The following NXNL2 variants were observed in gnomAD, a reference collection of about 807,000 sequenced individuals.
The protein encoded by NXNL2 is nucleoredoxin like 2.
A neutral mutation model predicts 11.1 loss-of-function variants in NXNL2; 7 were observed. That is an observed-to-expected ratio of 0.63 (90% confidence interval 0.36 to 1.18). NXNL2 has a LOEUF of 1.18. Ranked by LOEUF, NXNL2 falls within the 50% of genes most tolerant of loss-of-function variation. NXNL2 has a pLI of 0.02. For synonymous variants in NXNL2, 109 were observed against 101.8 expected (o/e 1.07, Z -0.42); for missense variants, 233 against 217.7 (o/e 1.07, Z -0.44).
chr9:88,557,065 A>T (rs1587849041), intron 1 of NXNL2, among the ~76,000 whole-genome samples: 1 of 131,046 alleles, frequency 7.6e-6, no homozygotes, highest in African/African-American at 2.9e-5. Flanking sequence ...TAGGTGACAG[A>T]GTGAGACTCC....
At chr9:88,582,157 T>C (rs1206751434) in intron 1 of NXNL2, among the ~76,000 whole-genome samples, 2 of 152,230 alleles carry the variant, frequency 1.3e-5, no homozygotes, top group African/African-American at 4.8e-5. Context: ...GAATTTTGTT[T>C]GGGAAGGGGA....
At chr9:88,584,011 A>G (rs1184104112) in exon 2 of NXNL2, 1 of 152,262 alleles carries the variant, frequency 6.6e-6, no homozygotes. Context: ...GCCGGAGCCA[A>G]CTAATACATG....
At chr9:88,553,011 A>G (rs1829962843) in intron 1 of NXNL2, among the ~76,000 whole-genome samples, 1 of 152,202 alleles carries the variant, frequency 6.6e-6, no homozygotes, top group African/African-American at 2.4e-5. Context: ...GAAATCCTGG[A>G]TGATATCCTT....
At chr9:88,542,774 C>G (rs890644265) in intron 1 of NXNL2, among the ~76,000 whole-genome samples, 8 of 151,970 alleles carry the variant, frequency 5.3e-5, no homozygotes, top group African/African-American at 1.9e-4. Context: ...CGTAGGGGAC[C>G]CTGTATTTTT....
intron 1 of NXNL2, 40 bp downstream of exon 1, chr9:88,535,776 G>C: frequency 1.3e-6 from 2 of 1,491,458 alleles, no homozygotes; most frequent in South Asian, 1.3e-5. Flanking sequence ...CGCCCGGCAC[G>C]TCTCCCCCAT....
downstream of NXNL2, among the ~76,000 whole-genome samples, chr9:88,580,083 G>C (rs1045697568): frequency 2.0e-5 from 3 of 151,458 alleles, no homozygotes; most frequent in Admixed American, 2.0e-4. Flanking sequence ...AGGTTGCAGT[G>C]AGCCAAGATC....
At chr9:88,575,127 A>G in exon 3 of NXNL2, 1 of 985,178 alleles carries the variant, frequency 1.0e-6, no homozygotes, top group Non-Finnish European at 1.2e-6. Context: ...ATTGAAGAGG[A>G]GTTGGACACT....
chr9:88,547,585 C>T (rs1203166172), downstream of NXNL2, among the ~76,000 whole-genome samples: 1 of 152,198 alleles, frequency 6.6e-6, no homozygotes, highest in Non-Finnish European at 1.5e-5. Flanking sequence ...CCTTAAAACC[C>T]CATCCTTTCA....
rs1213806120 is a variant in NXNL2, at chr9:88,544,737, G to A, written c.*190G>A. The A allele has an allele frequency of 1.5e-6, 2 of 1,366,180 alleles. No individual in the cohort carries two copies. Among genetic ancestry groups the A allele is most frequent in the East Asian group, 2.9e-5 (1 of 34,914 alleles). The allele number at this position is 1,366,180 out of a possible 1,614,324, so 84.6% of individuals were successfully genotyped here. ...ATACACTCCATATTTTGATCATGCA[G>A]GCTGTTTGTATTATAGTTATTTTTG... is the stretch of plus-strand genomic sequence containing the variant. On this transcript the variant is annotated 3_prime_UTR_variant, in exon 2 of 2. Transcript: ENST00000375854.
chr9:88,580,246 T>C (rs1254373645), downstream of NXNL2, among the ~76,000 whole-genome samples: 1 of 150,976 alleles, frequency 6.6e-6, no homozygotes, highest in Non-Finnish European at 1.5e-5. Context: ...TTCTACTTCC[T>C]GGGTTCAAGT....
chr9:88,566,861 A>T (rs1830177014), intron 1 of NXNL2, among the ~76,000 whole-genome samples: 1 of 152,126 alleles, frequency 6.6e-6, no homozygotes, highest in African/African-American at 2.4e-5. Flanking sequence ...ATGCTATTGA[A>T]AATGGTATAT....
At chr9:88,580,207 A>G (rs997212387), downstream of NXNL2, among the ~76,000 whole-genome samples, 32 of 147,476 alleles carry the variant, frequency 2.2e-4, no homozygotes, top group Non-Finnish European at 1.5e-5. Context: ...AGGCTGGAGT[A>G]CAGTGGTGAA....
At chr9:88,555,085 C>T (rs989316808) in intron 1 of NXNL2, among the ~76,000 whole-genome samples, 4 of 152,182 alleles carry the variant, frequency 2.6e-5, no homozygotes, top group Admixed American at 2.6e-4. Flanking sequence ...GCAGGGTAAA[C>T]CCTGAAACGG....
intron 1 of NXNL2, among the ~76,000 whole-genome samples, chr9:88,550,073 C>G (rs552406580): frequency 6.6e-6 from 1 of 152,254 alleles, no homozygotes; most frequent in East Asian, 1.9e-4. Flanking sequence ...CCACCTCGGC[C>G]TCCCAAAGGT....
rs1459757739 is a variant in NXNL2 at position 88,535,464 on chromosome 9, G to A, written c.30G>A (p.Leu10=). ...TTGACATTCTGGGCGAGCGGCACCTGGTGACCTGTAAGGGCGCGACGGTGG... is the reference window on the plus strand; with the variant it reads ...TTGACATTCTGGGCGAGCGGCACCTAGTGACCTGTAAGGGCGCGACGGTGG... MVDILGERH[L]VTCKGATVEA... Residue 10 remains leucine (L), a synonymous_variant, in exon 1 of 2, where the codon CTG becomes CTA. Transcript: ENST00000375854. 4 of 1,606,774 alleles carry A rather than the reference G, an allele frequency of 2.5e-6. No individual in the cohort carries two copies. The highest frequency in any genetic ancestry group is 3.4e-6 in the Non-Finnish European group (4 of 1,177,458).
intron 2 of NXNL2, among the ~76,000 whole-genome samples, chr9:88,573,597 T>C (rs865979682): frequency 6.6e-6 from 1 of 152,242 alleles, no homozygotes; most frequent in African/African-American, 2.4e-5. Context: ...AGTTACTCAT[T>C]GCACTCACGA....
Position 88,535,698 on chromosome 9 carries a change from C to T in NXNL2, c.264C>T (p.Gly88=), listed in dbSNP as rs1280002095. The T allele has an allele frequency of 6.3e-7, 1 of 1,596,720 alleles. No homozygotes were observed. The highest frequency in any genetic ancestry group is 1.1e-5 in the South Asian group (1 of 89,998). ...EMLDFMRELH[G]AWLALPFHDP... ...TGGACTTCATGCGCGAGCTGCATGG[C>T]GCCTGGCTGGCGCTGCCCTTCCACG... The change falls in exon 1 of 2, where the codon GGC becomes GGT. Residue 88 remains glycine (G), a synonymous_variant. Transcript: ENST00000375854.
At chr9:88,582,378 A>T (rs1399445368) in intron 1 of NXNL2, among the ~76,000 whole-genome samples, 1 of 152,248 alleles carries the variant, frequency 6.6e-6, no homozygotes, top group East Asian at 1.9e-4. Flanking sequence ...CTGAGGCAGG[A>T]GAATGGTGTG....
At chr9:88,542,163 G>T (rs1296393617) in intron 1 of NXNL2, among the ~76,000 whole-genome samples, 1 of 151,868 alleles carries the variant, frequency 6.6e-6, no homozygotes, top group East Asian at 1.9e-4. Context: ...AACCCAGGAG[G>T]CGGAGCTTGC....
Sources: gnomAD v4.1 joint callset for allele counts (sites outside exome capture counted in the v4.1 genomes callset) on GRCh38, gnomAD v4.1.1 for gene constraint, MANE v1.5 for transcripts, NCBI Gene and HGNC (gene_info 2026-07-23, HGNC 2026-07-21) for gene names.